Variants in NDRG2 observed in about 807,000 individuals in gnomAD.
NDRG2 encodes NDRG family member 2.
NDRG2 carries 34 observed loss-of-function variants against 58.2 expected under a neutral mutation model. The ratio of observed to expected loss-of-function variants is 0.58; its 90% CI spans 0.44 to 0.78. The LOEUF is 0.78. Among genes scored for constraint, NDRG2 ranks in the 30% least tolerant of loss-of-function variants. The probability of loss-of-function intolerance (pLI) is 0.00; values close to 1 mark genes in which losing one functional copy is unlikely to be tolerated. For missense variants in NDRG2, 434 were observed against 471.2 expected (o/e 0.92, Z 0.73); for synonymous variants, 187 against 175.9 (o/e 1.06, Z -0.50).
At chr14:21,037,724 G>A (rs1256346321) in intron 1 of NDRG2, among the ~76,000 whole-genome samples, 1 of 152,184 alleles carries the variant, frequency 6.6e-6, no homozygotes, top group African/African-American at 2.4e-5. Context: ...ATAAACATCT[G>A]GGACATCAAA....
At chr14:21,038,374 A>G (rs1428101732) in intron 1 of NDRG2, among the ~76,000 whole-genome samples, 1 of 152,268 alleles carries the variant, frequency 6.6e-6, no homozygotes, top group Non-Finnish European at 1.5e-5. Flanking sequence ...GAGAAAAATA[A>G]TACATACACA....
At chr14:21,048,771 G>T (rs1304347237) in intron 1 of NDRG2, among the ~76,000 whole-genome samples, 1 of 152,188 alleles carries the variant, frequency 6.6e-6, no homozygotes, top group Non-Finnish European at 1.5e-5. Context: ...GTGATGAATG[G>T]AGCAGGCCTG....
At chr14:21,030,339 T>G, upstream of NDRG2, 2 of 502,718 alleles carry the variant, frequency 4.0e-6, no homozygotes, top group Non-Finnish European at 7.2e-6. Context: ...AGAGGATCAT[T>G]CAGTAGGTAG....
chr14:21,017,513 T>A lies in NDRG2; in HGVS notation c.*83A>T. ...TCTGCCCTTTTTCCCTTGCTTACGGTGGCCCAATGCCCCTTCAGCACCTCC... is the reference window on the plus strand; with the variant it reads ...TCTGCCCTTTTTCCCTTGCTTACGGAGGCCCAATGCCCCTTCAGCACCTCC... On this transcript the variant is annotated 3_prime_UTR_variant, in exon 16 of 16. Coordinates refer to ENST00000556147, the MANE Select transcript of NDRG2 (RefSeq NM_001320329.2). 6.9e-7 allele frequency: 1 copy of A among 1,451,138 alleles called. No homozygotes were observed. The highest frequency in any genetic ancestry group is 1.3e-5 in the South Asian group (1 of 74,284). 89.9% of individuals were successfully genotyped at this position (1,451,138 alleles called of 1,614,324 possible).
chr14:21,039,504 T>C (rs1884795736), intron 1 of NDRG2, among the ~76,000 whole-genome samples: 1 of 152,210 alleles, frequency 6.6e-6, no homozygotes, highest in Non-Finnish European at 1.5e-5. Flanking sequence ...TGCCTGAATC[T>C]TTTTGTTCTT....
upstream of NDRG2, chr14:21,030,779 G>A: frequency 6.2e-7 from 1 of 1,610,436 alleles, no homozygotes; most frequent in Non-Finnish European, 8.5e-7. Context: ...ATATGGAGGT[G>A]GGGGTGAGAA....
intron 1 of NDRG2, among the ~76,000 whole-genome samples, chr14:21,056,429 G>T (rs10144810): frequency 6.6e-6 from 1 of 152,132 alleles, no homozygotes; most frequent in Non-Finnish European, 1.5e-5. Flanking sequence ...AAAAATAAAT[G>T]TAATGAATAT....
intron 1 of NDRG2, chr14:21,032,491 T>C: frequency 2.7e-6 from 1 of 364,420 alleles, no homozygotes; most frequent in South Asian, 2.0e-5. Context: ...CTATATCACA[T>C]ATTAGATCCT....
intron 1 of NDRG2, among the ~76,000 whole-genome samples, chr14:21,057,504 T>G (rs1885726935): frequency 6.6e-6 from 1 of 151,444 alleles, no homozygotes; most frequent in South Asian, 2.1e-4. Context: ...CCTGGGAGTG[T>G]GGGAAGAATA....
intron 1 of NDRG2, among the ~76,000 whole-genome samples, chr14:21,068,781 C>CT (rs1368126515): frequency 2.0e-5 from 3 of 152,184 alleles, no homozygotes; most frequent in African/African-American, 7.2e-5. Context: ...GCCATAGGTT[C>CT]TTTTTTGACG....
In NDRG2 at chr14:21,024,648, A is replaced by G; in HGVS notation, c.-625T>C. 1.0e-6 allele frequency: 1 copy of G among 985,438 alleles called. No individual in the cohort carries two copies. The highest frequency in any genetic ancestry group is 1.2e-6 in the Non-Finnish European group (1 of 829,958). The allele number at this position is 985,438 out of a possible 1,614,324, so 61.0% of individuals were successfully genotyped here. A position where few individuals can be genotyped will look rare whatever the true frequency, so the allele number is the denominator to read the frequency against. On this transcript the variant is annotated 5_prime_UTR_variant, in exon 1 of 16. Coordinates refer to ENST00000556147, the MANE Select transcript of NDRG2 (RefSeq NM_001320329.2). ...GAGAAAGGGAGAGGAGAGCGGTCCC[A>G]CAATCTTCTCCCGTTCTCCCCCGAC...
chr14:21,025,448 G>A (rs567142850), upstream of NDRG2: 436 of 985,538 alleles, frequency 4.4e-4, 3 homozygotes, highest in African/African-American at 7.1e-3. This position sits in a 1 kb window ranked among gnomAD's most constrained non-coding sequence, Gnocchi z 5.1. Context: ...TCAGTGGTGG[G>A]AACCGGTAGT....
intron 1 of NDRG2, chr14:21,032,293 C>G (rs1417898575): frequency 1.5e-6 from 1 of 657,428 alleles, no homozygotes; most frequent in Non-Finnish European, 2.8e-6. Flanking sequence ...TGCCTACCAG[C>G]CATCAGTTAG....
Position 21,058,257 on chromosome 14 carries a change from A to G in NDRG2, c.24+12571T>C, listed in dbSNP as rs747023750. On this transcript the variant is annotated intron_variant, in intron 1 of 14. Transcript: ENST00000403829. ...AAGTACCCAAACTGCAGGTACAAAGAGAAGCACCTGAACACACCTTACATA... is the reference window on the plus strand; with the variant it reads ...AAGTACCCAAACTGCAGGTACAAAGGGAAGCACCTGAACACACCTTACATA... 33 of 1,614,060 alleles carry G rather than the reference A, an allele frequency of 2.0e-5. No homozygotes were observed. Among genetic ancestry groups the G allele is most frequent in the Non-Finnish European group, 2.8e-5 (33 of 1,180,032 alleles).
Position 21,070,524 on chromosome 14 carries a change from C to T in NDRG2, c.24+304G>A. The T allele has an allele frequency of 2.5e-6, 3 of 1,178,828 alleles. No homozygotes were observed. Among genetic ancestry groups the T allele is most frequent in the Non-Finnish European group, 2.3e-6 (2 of 880,312 alleles). 73.0% of individuals were successfully genotyped at this position (1,178,828 alleles called of 1,614,324 possible). On this transcript the variant is annotated intron_variant, in intron 1 of 14. Transcript: ENST00000403829. This position sits in a 1 kb window ranked among gnomAD's most constrained non-coding sequence, Gnocchi z 4.7. The stretch of plus-strand genomic sequence containing the variant: ...ACTGTTCGGCCCCTCTGGGACTCTC[C>T]TCCCTCCCATCCCCCCTTCTTCGAT...
chr14:21,039,324 A>C (rs943999), intron 1 of NDRG2, among the ~76,000 whole-genome samples: 135,411 of 152,310 alleles, frequency 0.89, 60,285 homozygotes, highest in Admixed American at 0.92. Context: ...GGGCCAACAG[A>C]AGTGACTTCG....
At chr14:21,058,228 A>G in intron 1 of NDRG2, 2 of 1,614,156 alleles carry the variant, frequency 1.2e-6, no homozygotes, top group Non-Finnish European at 8.5e-7. Context: ...AGCTCACCTC[A>G]GGGAAGTACC....
upstream of NDRG2, chr14:21,025,936 G>T (rs1389551804): frequency 1.3e-5 from 2 of 158,214 alleles, no homozygotes; most frequent in Non-Finnish European, 2.7e-5. This position sits in a 1 kb window ranked among gnomAD's most constrained non-coding sequence, Gnocchi z 5.1. Context: ...TAACCCTGCG[G>T]GGGTGGAGTA....
In NDRG2 at chr14:21,024,952, G is replaced by A. The variant is rs1179355120; in HGVS notation, c.-929C>T. ...CCCCGAGCCTCCAGCTCCAGGGGAC[G>A]CGGATCAATCACACCGCCCGCCGGC... On this transcript the variant is annotated 5_prime_UTR_variant, in exon 1 of 16. Transcript: ENST00000556147. The A allele has an allele frequency of 2.3e-5, 23 of 985,468 alleles. No individual in the cohort carries two copies. Among genetic ancestry groups the A allele is most frequent in the Non-Finnish European group, 2.7e-5 (22 of 830,080 alleles). 61.0% of individuals were successfully genotyped at this position (985,468 alleles called of 1,614,324 possible).
Sources: gnomAD v4.1 joint callset for allele counts (sites outside exome capture counted in the v4.1 genomes callset) on GRCh38, gnomAD v4.1.1 for gene constraint, Gnocchi (gnomAD v3.1) non-coding constraint, MANE v1.5 for transcripts, NCBI Gene and HGNC (gene_info 2026-07-23, HGNC 2026-07-21) for gene names.